LDAH: variants seen among roughly 807,000 people sequenced by gnomAD.
LDAH encodes the protein lipid droplet-associated hydrolase.
A neutral mutation model predicts 29.6 loss-of-function variants in LDAH; 26 were observed. That is an observed-to-expected ratio of 0.88 (90% CI 0.64 to 1.22). The LOEUF is 1.22. Among genes scored for constraint, LDAH ranks in the 50% most tolerant of loss-of-function variants. LDAH has a pLI of 0.00. For synonymous variants in LDAH, 117 were observed against 133.0 expected (o/e 0.88, Z 0.83); for missense variants, 344 against 387.3 (o/e 0.89, Z 0.94).
chr2:20,715,781 T>C (rs905265559), intron 5 of LDAH, among the ~76,000 whole-genome samples: 4 of 150,566 alleles, frequency 2.7e-5, no homozygotes, highest in Non-Finnish European at 6.0e-5. Context: ...CCATTCACAA[T>C]TGCTACAAAG....
chr2:20,800,033 T>C (rs1300886228), intron 2 of LDAH, among the ~76,000 whole-genome samples: 7 of 152,188 alleles, frequency 4.6e-5, no homozygotes, highest in Admixed American at 2.0e-4. Context: ...CAATAAATGG[T>C]TGTGGACCAT....
At chr2:20,710,944 T>C (rs1423874612) in intron 5 of LDAH, among the ~76,000 whole-genome samples, 1 of 152,012 alleles carries the variant, frequency 6.6e-6, no homozygotes, top group Non-Finnish European at 1.5e-5. Context: ...AGGATTATGC[T>C]AGTGGGCCCA....
chr2:20,790,591 C>T (rs1342030438), intron 2 of LDAH, among the ~76,000 whole-genome samples, 193 bp from the exon 3 acceptor site: 1 of 152,140 alleles, frequency 6.6e-6, no homozygotes, highest in African/African-American at 2.4e-5. Flanking sequence ...CAGTGTCTTC[C>T]AGATAAAGTC....
At chr2:20,712,438 A>G (rs1664837211) in intron 5 of LDAH, among the ~76,000 whole-genome samples, 1 of 152,230 alleles carries the variant, frequency 6.6e-6, no homozygotes, top group Non-Finnish European at 1.5e-5. Flanking sequence ...GAGAAACCAG[A>G]GCAGAAAAGC....
intron 1 of LDAH, among the ~76,000 whole-genome samples, chr2:20,817,271 A>G (rs1008281681): frequency 6.6e-6 from 1 of 152,098 alleles, no homozygotes; most frequent in Non-Finnish European, 1.5e-5. Flanking sequence ...GAAAAAGGTC[A>G]CTATAACCAG....
chr2:20,732,954 C>A (rs746906950), intron 5 of LDAH, among the ~76,000 whole-genome samples: 1 of 152,124 alleles, frequency 6.6e-6, no homozygotes, highest in Admixed American at 6.5e-5. Context: ...CCTTCTGCCT[C>A]AGCCTTCCAA....
chr2:20,711,368 G>C (rs2149375754), intron 5 of LDAH, among the ~76,000 whole-genome samples: 1 of 150,722 alleles, frequency 6.6e-6, no homozygotes, highest in Non-Finnish European at 1.5e-5. Flanking sequence ...CTCGGCGACA[G>C]AGCGAGAGTC....
In LDAH at chr2:20,704,864, C is replaced by A. The variant is rs537919294; in HGVS notation, c.704-3212G>T. Among the ~76,000 whole-genome samples the A allele has an allele frequency of 1.4e-3, 220 of 152,258 alleles. 2 individuals are homozygous for A. Among genetic ancestry groups the A allele is most frequent in the Non-Finnish European group, 1.2e-3 (83 of 68,014 alleles). On this transcript the variant is annotated intron_variant, in intron 5 of 6. Transcript: ENST00000237822. ...GCATCAGATTTTATTCCCAAATGTA[C>A]AAACACATCCAATAATTCATTTATT...
At chr2:20,816,211 C>G (rs1672840460) in intron 1 of LDAH, among the ~76,000 whole-genome samples, 1 of 151,868 alleles carries the variant, frequency 6.6e-6, no homozygotes. Context: ...AAAAGAGGAA[C>G]AGATATGAAA....
At chr2:20,798,531 G>A (rs192430336) in intron 2 of LDAH, among the ~76,000 whole-genome samples, 19 of 150,244 alleles carry the variant, frequency 1.3e-4, no homozygotes, top group African/African-American at 1.9e-4. Flanking sequence ...AAATGCATGC[G>A]CAATTCCCTA....
intron 3 of LDAH, among the ~76,000 whole-genome samples, chr2:20,777,602 G>T (rs564971452): frequency 1.4e-3 from 210 of 151,508 alleles, no homozygotes; most frequent in African/African-American, 4.9e-3. Flanking sequence ...TAGAGATGAG[G>T]TTTCACCATG....
chr2:20,808,170 T>C (rs1672206591), intron 1 of LDAH, among the ~76,000 whole-genome samples: 1 of 152,222 alleles, frequency 6.6e-6, no homozygotes, highest in Non-Finnish European at 1.5e-5. Flanking sequence ...CGTGGTTTGC[T>C]GGATATTACT....
At chr2:20,800,603 A>C (rs912463836) in intron 2 of LDAH, among the ~76,000 whole-genome samples, 45 of 152,154 alleles carry the variant, frequency 3.0e-4, no homozygotes, top group African/African-American at 1.0e-3. Flanking sequence ...AGAATATTCT[A>C]ATTTTTAATT....
intron 5 of LDAH, among the ~76,000 whole-genome samples, chr2:20,708,454 A>C (rs1360773102): frequency 6.6e-6 from 1 of 152,244 alleles, no homozygotes; most frequent in African/African-American, 2.4e-5. Flanking sequence ...CCAGCATCTG[A>C]CAAGGTAAAA....
At chr2:20,742,975 C>G (rs1352797215) in intron 4 of LDAH, among the ~76,000 whole-genome samples, 1 of 151,688 alleles carries the variant, frequency 6.6e-6, no homozygotes, top group Non-Finnish European at 1.5e-5. Context: ...GTTGTGCAGG[C>G]TGGTCTCAAA....
At chr2:20,812,601 C>A (rs1357039210) in intron 1 of LDAH, among the ~76,000 whole-genome samples, 1 of 152,156 alleles carries the variant, frequency 6.6e-6, no homozygotes, top group Non-Finnish European at 1.5e-5. Context: ...TCAAAAGCTT[C>A]TTTGGCAACC....
intron 5 of LDAH, among the ~76,000 whole-genome samples, chr2:20,719,357 C>G (rs1665480324): frequency 6.6e-6 from 1 of 150,894 alleles, no homozygotes; most frequent in African/African-American, 2.4e-5. Flanking sequence ...CTACTATCAA[C>G]AGCTACATGC....
intron 5 of LDAH, among the ~76,000 whole-genome samples, chr2:20,713,408 A>G (rs1417924712): frequency 6.6e-6 from 1 of 152,164 alleles, no homozygotes; most frequent in African/African-American, 2.4e-5. Context: ...GAAAGAAACA[A>G]CCGGTACCAG....
intron 4 of LDAH, among the ~76,000 whole-genome samples, chr2:20,743,676 T>C (rs1270639658): frequency 6.6e-6 from 1 of 152,162 alleles, no homozygotes; most frequent in Non-Finnish European, 1.5e-5. Flanking sequence ...ATGCTCTTCT[T>C]TTCTTTATGG....
Sources: allele counts gnomAD v4.1 joint callset (sites outside exome capture counted in the v4.1 genomes callset), GRCh38; gene constraint gnomAD v4.1.1; transcripts MANE v1.5; gene names NCBI Gene and HGNC (gene_info 2026-07-23, HGNC 2026-07-21).